Variants in ITPR1 observed in about 807,000 individuals in gnomAD.
The protein encoded by ITPR1 is inositol 1,4,5-trisphosphate receptor type 1.
Under a neutral mutation model 318.4 loss-of-function variants are expected in ITPR1, and 96 were observed. That is an observed-to-expected ratio of 0.30 (90% CI 0.26 to 0.36). The LOEUF is 0.36. Ranked by LOEUF, ITPR1 falls within the 10% of genes least tolerant of loss-of-function variation. The pLI, the probability that ITPR1 is intolerant of heterozygous loss-of-function variation, is 1.00. For synonymous variants in ITPR1, 1,312 were observed against 1,289.9 expected (o/e 1.02, Z -0.37); for missense variants, 2,440 against 3,460.2 (o/e 0.71, Z 7.40).
intron 60 of ITPR1, among the ~76,000 whole-genome samples, chr3:4,821,963 AG>A (rs1260696944): frequency 6.6e-6 from 1 of 152,174 alleles, no homozygotes; most frequent in African/African-American, 2.4e-5. Flanking sequence ...TGGAGATGGG[AG>A]TATCCCCCTC....
intron 4 of ITPR1, among the ~76,000 whole-genome samples, chr3:4,615,443 C>G (rs1354041516): frequency 6.9e-6 from 1 of 144,512 alleles, no homozygotes; most frequent in African/African-American, 2.6e-5. Flanking sequence ...ATGGCACGAT[C>G]TCGTCTCACT....
chr3:4,688,699 C>A, intron 31 of ITPR1, 79 bp downstream of exon 31: 2 of 1,421,110 alleles, frequency 1.4e-6, no homozygotes, highest in Non-Finnish European at 1.9e-6. Flanking sequence ...TGTTCTTTGG[C>A]TGTTGTGGCT....
At chr3:4,679,210 A>G (rs993420765) in intron 24 of ITPR1, among the ~76,000 whole-genome samples, 1 of 152,246 alleles carries the variant, frequency 6.6e-6, no homozygotes, top group Non-Finnish European at 1.5e-5. Context: ...CCAGGCAGAA[A>G]GTAGATGAAG....
At chr3:4,660,896 A>G (rs1393874454) in intron 13 of ITPR1, 92 bp from the exon 14 acceptor site, 5 of 631,020 alleles carry the variant, frequency 7.9e-6, no homozygotes, top group Non-Finnish European at 1.3e-5. Context: ...CCACTTTGCT[A>G]TTTCTATTTT....
intron 56 of ITPR1, among the ~76,000 whole-genome samples, chr3:4,812,512 A>G (rs887819379): frequency 5.9e-5 from 9 of 152,164 alleles, no homozygotes; most frequent in Non-Finnish European, 8.8e-5. Flanking sequence ...CAATTCTGAG[A>G]GTGAAAAAAA....
rs954597018 is a variant in ITPR1, at chr3:4,778,755, G to C, written c.6292-795G>C. On this transcript the variant is annotated intron_variant, in intron 48 of 61. Transcript: ENST00000649015. ...GATCTATGGATGATGATAGAAATTT[G>C]TGCCCTGCGATAGCATGATACCCTG... 9.2e-5 allele frequency among the ~76,000 whole-genome samples: 14 copies of C among 152,094 alleles called. 2 individuals are homozygous for C. The highest frequency in any genetic ancestry group is 8.5e-4 in the Admixed American group (13 of 15,266).
At chr3:4,576,457 A>G (rs7627633) in intron 4 of ITPR1, among the ~76,000 whole-genome samples, 26,748 of 152,088 alleles carry the variant, frequency 0.18, 2,951 homozygotes, top group African/African-American at 0.32. Flanking sequence ...ACCATGAGAG[A>G]TAATGACTAG....
chr3:4,640,454 C>T (rs1001782057), intron 6 of ITPR1, among the ~76,000 whole-genome samples: 1 of 152,200 alleles, frequency 6.6e-6, no homozygotes, highest in African/African-American at 2.4e-5. Context: ...GTTCCATCCT[C>T]TTCAGAATGG....
intron 32 of ITPR1, among the ~76,000 whole-genome samples, chr3:4,691,936 G>T (rs1043184101): frequency 2.0e-5 from 3 of 152,312 alleles, no homozygotes; most frequent in Non-Finnish European, 4.4e-5. Context: ...AGCATCACTT[G>T]AGGCCAGGAG....
intron 42 of ITPR1, 41 bp from the exon 43 acceptor site, chr3:4,733,047 T>A: frequency 6.3e-7 from 1 of 1,594,976 alleles, no homozygotes; most frequent in Non-Finnish European, 8.6e-7. Context: ...CGGTGATGCA[T>A]TAAATGCAGA....
chr3:4,808,435 T>G (rs1353973460), intron 55 of ITPR1, among the ~76,000 whole-genome samples: 1 of 152,238 alleles, frequency 6.6e-6, no homozygotes, highest in East Asian at 1.9e-4. Flanking sequence ...TTTGCATCTG[T>G]GCTTTCAAGT....
At chr3:4,738,735 T>G (rs1324280135) in intron 44 of ITPR1, among the ~76,000 whole-genome samples, 1 of 152,218 alleles carries the variant, frequency 6.6e-6, no homozygotes, top group African/African-American at 2.4e-5. Context: ...TCATTATGAA[T>G]ATTAGTTTCA....
chr3:4,768,659 C>T lies in ITPR1; in HGVS notation c.5874C>T (p.Ala1958=), dbSNP rs770373369. ...YQPGEGTQAT[A]DKAKDDLEMS... Reference sequence around the variant, plus strand: ...CTGGAGAGGGCACCCAGGCCACTGCCGACAAGGCCAAGGACGACCTGGAGA... The same window carrying T: ...CTGGAGAGGGCACCCAGGCCACTGCTGACAAGGCCAAGGACGACCTGGAGA... The change falls in exon 46 of 62, where the codon GCC becomes GCT. Residue 1958 remains alanine, a synonymous_variant. Coordinates refer to ENST00000649015, the MANE Select transcript of ITPR1 (RefSeq NM_001378452.1). The T allele has an allele frequency of 1.8e-5, 29 of 1,613,840 alleles. No individual in the cohort carries two copies. Among genetic ancestry groups the T allele is most frequent in the African/African-American group, 6.7e-5 (5 of 74,920 alleles).
chr3:4,816,192 T>C (rs2049290783), intron 59 of ITPR1: 1 of 152,206 alleles, frequency 6.6e-6, no homozygotes, highest in South Asian at 2.1e-4. Flanking sequence ...ATTTCACCCT[T>C]CATTCCAATA....
chr3:4,696,557 A>G (rs540453520), intron 33 of ITPR1, among the ~76,000 whole-genome samples: 1 of 152,120 alleles, frequency 6.6e-6, no homozygotes, highest in Non-Finnish European at 1.5e-5. Context: ...ATTGTGAATA[A>G]TGCTACTGTG....
intron 31 of ITPR1, among the ~76,000 whole-genome samples, chr3:4,689,720 A>T (rs1235898183): frequency 6.6e-6 from 1 of 152,188 alleles, no homozygotes; most frequent in Non-Finnish European, 1.5e-5. Flanking sequence ...GTGAAAAATA[A>T]GCCTTCTAGA....
chr3:4,587,271 G>GTTTTTT (rs34690762), intron 4 of ITPR1, among the ~76,000 whole-genome samples: 1 of 118,932 alleles, frequency 8.4e-6, no homozygotes, highest in Non-Finnish European at 1.7e-5. Context: ...ACTTCTCATG[G>GTTTTTT]TTTTTTTTTT....
At chr3:4,803,391 A>G (rs2048364750) in intron 54 of ITPR1, among the ~76,000 whole-genome samples, 1 of 152,220 alleles carries the variant, frequency 6.6e-6, no homozygotes. Flanking sequence ...CCAAATTTTC[A>G]GTCACAAATG....
At chr3:4,585,017 G>A (rs1416425208) in intron 4 of ITPR1, among the ~76,000 whole-genome samples, 1 of 152,182 alleles carries the variant, frequency 6.6e-6, no homozygotes, top group Non-Finnish European at 1.5e-5. Flanking sequence ...GTGTATTACT[G>A]GTCTACCCAC....
Sources: allele counts gnomAD v4.1 joint callset (sites outside exome capture counted in the v4.1 genomes callset), GRCh38; gene constraint gnomAD v4.1.1; transcripts MANE v1.5; gene names NCBI Gene and HGNC (gene_info 2026-07-23, HGNC 2026-07-21).